Variants in NFAT5 observed in about 807,000 individuals in gnomAD.
The protein encoded by NFAT5 is nuclear factor of activated T cells 5.
Under a neutral mutation model 166.5 loss-of-function variants are expected in NFAT5, and 31 were observed. The observed-to-expected ratio is 0.19, with a 90% CI of 0.14 to 0.25. The LOEUF (loss-of-function observed/expected upper bound fraction) is 0.25, where lower values mean the gene tolerates loss of function less well. Among genes scored for constraint, NFAT5 ranks in the 10% least tolerant of loss-of-function variants. The probability of loss-of-function intolerance (pLI) is 1.00; values close to 1 mark genes in which losing one functional copy is unlikely to be tolerated. For synonymous variants in NFAT5, 612 were observed against 639.7 expected, an observed-to-expected ratio of 0.96 and a Z score of 0.65; for missense variants, 1,449 against 1,821.8, an observed-to-expected ratio of 0.80 and a Z score of 3.72.
intron 11 of NFAT5, among the ~76,000 whole-genome samples, chr16:69,689,756 G>T (rs2037475844): frequency 6.6e-6 from 1 of 152,166 alleles, no homozygotes; most frequent in Non-Finnish European, 1.5e-5. Context: ...TGTTGGCCAG[G>T]CTGGTCTCGA....
intron 2 of NFAT5, among the ~76,000 whole-genome samples, chr16:69,587,595 G>A (rs1446457259): frequency 6.6e-6 from 1 of 151,970 alleles, no homozygotes; most frequent in African/African-American, 2.4e-5. Flanking sequence ...TGTCATGTTG[G>A]CCAGGCTGGT....
intron 2 of NFAT5, among the ~76,000 whole-genome samples, chr16:69,573,536 A>G (rs567272972): frequency 1.6e-4 from 24 of 152,310 alleles, no homozygotes; most frequent in Admixed American, 1.0e-3. Flanking sequence ...CTAGTAAACT[A>G]AAAGTATTAT....
intron 11 of NFAT5, among the ~76,000 whole-genome samples, chr16:69,688,692 C>G (rs1281925733): frequency 6.6e-6 from 1 of 152,030 alleles, no homozygotes; most frequent in Non-Finnish European, 1.5e-5. Flanking sequence ...ATAGGATTAA[C>G]CAAACAATCC....
intron 2 of NFAT5, among the ~76,000 whole-genome samples, chr16:69,598,904 C>T (rs1299187134): frequency 2.6e-5 from 4 of 151,664 alleles, no homozygotes; most frequent in Admixed American, 2.6e-4. Flanking sequence ...ATTCCAGCTA[C>T]TCAGGAGGGT....
chr16:69,613,964 A>G (rs1160258058), intron 2 of NFAT5, among the ~76,000 whole-genome samples: 11 of 152,224 alleles, frequency 7.2e-5, no homozygotes, highest in African/African-American at 2.7e-4. Context: ...ACTGTGGCAA[A>G]TAAGATGTCA....
In NFAT5 at chr16:69,703,981, T is replaced by G. The variant is rs2037940898; in HGVS notation, c.*7630T>G. The G allele has an allele frequency of 6.6e-6, 1 of 152,436 alleles. No individual in the cohort carries two copies. The highest frequency in any genetic ancestry group is 2.1e-4 in the South Asian group (1 of 4,834). 9.4% of individuals were successfully genotyped at this position (152,436 alleles called of 1,614,324 possible). On this transcript the variant is annotated 3_prime_UTR_variant, in exon 15 of 15. Coordinates refer to ENST00000349945, the MANE Select transcript of NFAT5 (RefSeq NM_138713.4). The stretch of plus-strand genomic sequence containing the variant: ...TTGTAGGGATTGCTTATTATATTAT[T>G]TTAGCTGATGAACCTCAGGACAACG...
intron 3 of NFAT5, among the ~76,000 whole-genome samples, chr16:69,642,808 C>T (rs1357395190): frequency 4.0e-5 from 6 of 148,522 alleles, no homozygotes; most frequent in Non-Finnish European, 7.4e-5. Context: ...CAGAGCAAGA[C>T]TGTGTCTCAA....
chr16:69,655,644 G>T lies in NFAT5; in HGVS notation c.1041G>T (p.Val347=). 1 of 1,612,302 alleles carries T rather than the reference G, an allele frequency of 6.2e-7. No individual in the cohort carries two copies. The highest frequency in any genetic ancestry group is 8.5e-7 in the Non-Finnish European group (1 of 1,178,912). The part of the protein sequence containing the change: ...EGHNEPVVLQ[V]FVGNDSGRVK... ...ATAATGAACCTGTAGTGTTGCAAGT[G>T]TTTGTGGGCAACGACTCTGGACGAG... is the stretch of plus-strand genomic sequence containing the variant. The change falls in exon 6 of 15, where the codon GTG becomes GTT. Residue 347 remains valine (V), a synonymous_variant. Transcript: ENST00000349945.
chr16:69,687,999 C>T (rs2037379704), intron 11 of NFAT5, among the ~76,000 whole-genome samples: 2 of 150,564 alleles, frequency 1.3e-5, no homozygotes. Flanking sequence ...TCGAGACCAT[C>T]CTGGCTAACA....
At chr16:69,668,686 TA>T (rs1202461391) in intron 7 of NFAT5, among the ~76,000 whole-genome samples, 1 of 152,090 alleles carries the variant, frequency 6.6e-6, no homozygotes, top group African/African-American at 2.4e-5. Context: ...TTTTTATTTT[TA>T]TTTTTTTTTG....
At chr16:69,571,062 T>TG (rs1301265408) in intron 2 of NFAT5, among the ~76,000 whole-genome samples, 1 of 133,448 alleles carries the variant, frequency 7.5e-6, no homozygotes, top group Admixed American at 9.0e-5. Context: ...ACTCCTGAGG[T>TG]GGGCATATCA....
chr16:69,617,514 A>G (rs1346389964), intron 2 of NFAT5, among the ~76,000 whole-genome samples: 3 of 149,860 alleles, frequency 2.0e-5, no homozygotes, highest in Admixed American at 1.3e-4. Flanking sequence ...TTTTTGAGAC[A>G]GGGCCTTGCT....
chr16:69,695,485 T>A, intron 14 of NFAT5, 106 bp downstream of exon 14: 1 of 761,034 alleles, frequency 1.3e-6, no homozygotes, highest in Non-Finnish European at 2.2e-6. Flanking sequence ...TGTGGCTTTC[T>A]CACAAGATGA....
rs763577379 is a variant in NFAT5 at position 69,693,247 on chromosome 16, T to C, written c.3422T>C (p.Ile1141Thr). The change falls in exon 13 of 15, where the codon ATT becomes ACT. Residue 1141 changes from isoleucine (I) to threonine (T), a missense_variant. Ile to Thr is a moderately conservative substitution (Grantham distance 89). Transcript: ENST00000349945. ...QPPMFHSQST[I>T]AVLQGSSVPQ... ...CCAATGTTTCACTCTCAAAGTACCA[T>C]TGCTGTGTTACAGGGCTCTTCAGTT... 2.5e-6 allele frequency: 4 copies of C among 1,614,214 alleles called. No homozygotes were observed. Among genetic ancestry groups the C allele is most frequent in the Non-Finnish European group, 2.5e-6 (3 of 1,180,048 alleles).
chr16:69,661,320 A>G (rs2036124605), intron 7 of NFAT5, among the ~76,000 whole-genome samples: 1 of 150,910 alleles, frequency 6.6e-6, no homozygotes, highest in Non-Finnish European at 1.5e-5. Context: ...AACATAAGCC[A>G]GAAACTTATA....
chr16:69,596,024 A>T (rs1597373789), intron 2 of NFAT5, among the ~76,000 whole-genome samples: 1 of 152,160 alleles, frequency 6.6e-6, no homozygotes, highest in Admixed American at 6.5e-5. Flanking sequence ...AAAATATATA[A>T]GTTATTTAAA....
At chr16:69,666,617 A>G (rs1286593247) in intron 7 of NFAT5, among the ~76,000 whole-genome samples, 2 of 152,192 alleles carry the variant, frequency 1.3e-5, no homozygotes, top group South Asian at 2.1e-4. Context: ...CAAAACCACA[A>G]TGAGATACCA....
chr16:69,650,341 G>A lies in NFAT5; in HGVS notation c.812+2755G>A, dbSNP rs972467480. The stretch of plus-strand genomic sequence containing the variant: ...ATTAGTAACTTGACTACGTTTCTAA[G>A]CATTAGTGGATGTTTTCATGGTTTT... On this transcript the variant is annotated intron_variant, in intron 4 of 14. Coordinates refer to ENST00000349945, the MANE Select transcript of NFAT5 (RefSeq NM_138713.4). Among the ~76,000 whole-genome samples the A allele has an allele frequency of 9.2e-5, 14 of 152,058 alleles. 1 individual carries two copies. The East Asian group carries it at 1.9e-3, about 21-fold the overall frequency.
intron 9 of NFAT5, among the ~76,000 whole-genome samples, chr16:69,673,197 G>A (rs888594057): frequency 4.9e-4 from 75 of 152,060 alleles, no homozygotes; most frequent in Non-Finnish European, 1.8e-4. Context: ...GAGGTCCTGG[G>A]GTTTTTGCAA....
Sources: gnomAD v4.1 joint callset for allele counts (sites outside exome capture counted in the v4.1 genomes callset) on GRCh38, gnomAD v4.1.1 for gene constraint, MANE v1.5 for transcripts, NCBI Gene and HGNC (gene_info 2026-07-23, HGNC 2026-07-21) for gene names.